The following RB1CC1 variants were observed in gnomAD, a reference collection of about 807,000 sequenced individuals.
RB1CC1 encodes RB1 inducible coiled-coil 1.
In RB1CC1, 46 loss-of-function variants were observed where a neutral mutation model predicts 177.5. The observed-to-expected ratio is 0.26, with a 90% CI of 0.20 to 0.33. The LOEUF is 0.33. Among genes scored for constraint, RB1CC1 ranks in the 10% least tolerant of loss-of-function variants. The probability of loss-of-function intolerance (pLI) is 1.00; values close to 1 mark genes in which losing one functional copy is unlikely to be tolerated. For synonymous variants in RB1CC1, 666 were observed against 613.6 expected, an observed-to-expected ratio of 1.09 and a Z score of -1.26; for missense variants, 1,703 against 1,816.3, an observed-to-expected ratio of 0.94 and a Z score of 1.13.
intron 8 of RB1CC1, 115 bp downstream of exon 8, chr8:52,667,906 A>G (rs1397699090): frequency 9.7e-7 from 1 of 1,028,620 alleles, no homozygotes; most frequent in East Asian, 2.6e-5. Flanking sequence ...TAATACATTA[A>G]AAATATTCAA....
chr8:52,628,551 T>C (rs1227482583), intron 21 of RB1CC1, among the ~76,000 whole-genome samples: 1 of 152,192 alleles, frequency 6.6e-6, no homozygotes, highest in Non-Finnish European at 1.5e-5. Context: ...ACAGTCACAG[T>C]GTCAAAGAAA....
rs1248229304 is a variant in RB1CC1 at position 52,645,695 on chromosome 8, T to C, written c.3987+7A>G. The stretch of plus-strand genomic sequence containing the variant: ...TTCTCAAATGAAATGGGAAAAGAGA[T>C]ACAGACCTGTTGTTCCGCAATCAAA... On this transcript the variant is annotated splice_region_variant and intron_variant, in intron 16 of 23. Transcript: ENST00000025008. 2.5e-6 allele frequency: 4 copies of C among 1,609,416 alleles called. No homozygotes were observed. Among genetic ancestry groups the C allele is most frequent in the East Asian group, 2.2e-5 (1 of 44,666 alleles).
intron 15 of RB1CC1, among the ~76,000 whole-genome samples, chr8:52,654,462 CTG>C (rs35344957): frequency 0.18 from 27,612 of 152,092 alleles, 3,352 homozygotes; most frequent in East Asian, 0.65. Context: ...TGGCAAGTAA[CTG>C]AGAACTATCC....
At chr8:52,708,190 A>T (rs1856748661) in intron 1 of RB1CC1, among the ~76,000 whole-genome samples, 1 of 152,144 alleles carries the variant, frequency 6.6e-6, no homozygotes, top group Non-Finnish European at 1.5e-5. Context: ...AAATACCCCC[A>T]TCTTTGCTGA....
At position 52,634,904 on chromosome 8, in the gene RB1CC1, A is replaced by G; in HGVS notation, c.4440+17T>C. 6.4e-7 allele frequency: 1 copy of G among 1,572,634 alleles called. No homozygotes were observed. Among genetic ancestry groups the G allele is most frequent in the Middle Eastern group, 1.8e-4 (1 of 5,558 alleles). On this transcript the variant is annotated intron_variant, in intron 20 of 23. Coordinates refer to ENST00000025008, the MANE Select transcript of RB1CC1 (RefSeq NM_014781.5). ...TTAAAAATGTTAAGACCAATTTACC[A>G]AGAAGAAAAATCTTACCAGTCTTTG...
chr8:52,672,560 T>C (rs775555652), intron 7 of RB1CC1, among the ~76,000 whole-genome samples: 47 of 151,878 alleles, frequency 3.1e-4, no homozygotes, highest in Admixed American at 8.5e-4. Context: ...CTAAGCAACA[T>C]AGGAAGAAGA....
chr8:52,668,093 A>T lies in RB1CC1; in HGVS notation c.1101T>A (p.Asp367Glu). 1 of 1,614,156 alleles carries T rather than the reference A, an allele frequency of 6.2e-7. No homozygotes were observed. The highest frequency in any genetic ancestry group is 8.5e-7 in the Non-Finnish European group (1 of 1,180,014). ...QNMKAIKGLE[D>E]RLYALDQMIA... is the part of the protein sequence containing the mutation. ...TCATCTGGTCCAGGGCGTAGAGCCG[A>T]TCTTCAAGTCCTTTAATGGCTTTCA... Residue 367 changes from aspartate (D) to glutamate (E), a missense_variant, in exon 8 of 24, where the codon GAT (aspartate) becomes GAA (glutamate). Asp to Glu is a conservative substitution (Grantham distance 45). Transcript: ENST00000025008.
At chr8:52,694,608 T>G (rs1020999590) in intron 1 of RB1CC1, among the ~76,000 whole-genome samples, 2 of 152,158 alleles carry the variant, frequency 1.3e-5, no homozygotes, top group African/African-American at 4.8e-5. Flanking sequence ...CTCCAAAGCT[T>G]AAGCAACTAC....
chr8:52,656,219 T>C lies in RB1CC1; in HGVS notation c.3610A>G (p.Lys1204Glu). 1 of 1,613,526 alleles carries C rather than the reference T, an allele frequency of 6.2e-7. No individual in the cohort carries two copies. The highest frequency in any genetic ancestry group is 8.5e-7 in the Non-Finnish European group (1 of 1,179,846). The stretch of plus-strand genomic sequence containing the variant: ...AGGTTCTGGATAATAGCTTCGTATT[T>C]CTCTTCTTGTTGGGTAATTTTTTCA... ...KDEKITQQEE[K>E]YEAIIQNLEK... Residue 1204 changes from lysine to glutamate, a missense_variant, in exon 15 of 24, where the codon AAA becomes GAA. By Grantham distance (56) the Lys-to-Glu change is moderately conservative (BLOSUM62 1). This residue lies in a region of RB1CC1 where 1,169 missense variants were observed against 1,184.7 expected (regional missense o/e 0.99). Coordinates refer to ENST00000025008, the MANE Select transcript of RB1CC1 (RefSeq NM_014781.5).
chr8:52,660,566 T>C, intron 12 of RB1CC1, 30 bp downstream of exon 12: 1 of 1,542,278 alleles, frequency 6.5e-7, no homozygotes, highest in Non-Finnish European at 8.8e-7. Flanking sequence ...ACATATGGAA[T>C]TTAGTCATGG....
intron 7 of RB1CC1, among the ~76,000 whole-genome samples, chr8:52,673,140 TC>T (rs1563417097): frequency 6.6e-6 from 1 of 152,242 alleles, no homozygotes. Context: ...GACTGCATGC[TC>T]CTTGAAAAGT....
intron 18 of RB1CC1, among the ~76,000 whole-genome samples, chr8:52,641,577 G>A (rs1331003725): frequency 1.3e-5 from 2 of 151,962 alleles, no homozygotes; most frequent in Non-Finnish European, 2.9e-5. Context: ...GTTTGAACGA[G>A]GGGACCACGC....
chr8:52,694,696 C>T (rs1855214159), intron 1 of RB1CC1, among the ~76,000 whole-genome samples: 2 of 152,136 alleles, frequency 1.3e-5, no homozygotes. Flanking sequence ...TCCTGGTAAG[C>T]AGCACTTCCA....
At chr8:52,684,597 G>C (rs1231502580) in intron 3 of RB1CC1, among the ~76,000 whole-genome samples, 1 of 152,080 alleles carries the variant, frequency 6.6e-6, no homozygotes, top group Non-Finnish European at 1.5e-5. Context: ...AGAATTATTA[G>C]ATACCTGAGT....
chr8:52,705,738 G>A (rs1856486096), intron 1 of RB1CC1, among the ~76,000 whole-genome samples: 1 of 152,158 alleles, frequency 6.6e-6, no homozygotes, highest in African/African-American at 2.4e-5. Flanking sequence ...GTTGAGGCAG[G>A]AGGATATGGC....
At chr8:52,645,932 C>G in intron 15 of RB1CC1, 65 bp from the exon 16 acceptor site, 11 of 1,414,626 alleles carry the variant, frequency 7.8e-6, no homozygotes, top group Non-Finnish European at 7.7e-6. Context: ...TACCAAATAT[C>G]ATATTTGGGA....
chr8:52,627,903 A>G (rs1215714076), intron 22 of RB1CC1, 129 bp downstream of exon 22: 17 of 749,980 alleles, frequency 2.3e-5, no homozygotes, highest in African/African-American at 3.7e-5. Context: ...GATTTTATAA[A>G]AAAGCAGATT....
chr8:52,673,803 G>A lies in RB1CC1; in HGVS notation c.1002+42C>T, dbSNP rs375431419. On this transcript the variant is annotated intron_variant, in intron 7 of 23. Coordinates refer to ENST00000025008, the MANE Select transcript of RB1CC1 (RefSeq NM_014781.5). ...AAATATTTAGGATAAATAATATAAA[G>A]TAGTAAAATGACAAAACAAACATCA... The A allele has an allele frequency of 4.0e-5, 60 of 1,493,560 alleles. 1 individual carries two copies. The highest frequency in any genetic ancestry group is 3.8e-4 in the South Asian group (29 of 77,168). The allele number at this position is 1,493,560 out of a possible 1,614,324, so 92.5% of individuals were successfully genotyped here.
At chr8:52,639,393 G>A (rs1385677574) in intron 18 of RB1CC1, among the ~76,000 whole-genome samples, 1 of 152,066 alleles carries the variant, frequency 6.6e-6, no homozygotes, top group Non-Finnish European at 1.5e-5. Context: ...TCTACACTCT[G>A]ATGTACTCTG....
Sources: allele counts gnomAD v4.1 joint callset (sites outside exome capture counted in the v4.1 genomes callset), GRCh38; gene constraint gnomAD v4.1.1; regional missense constraint gnomAD v4.1.1; transcripts MANE v1.5; gene names NCBI Gene and HGNC (gene_info 2026-07-23, HGNC 2026-07-21).